CSNK2A1: variants seen among roughly 807,000 people sequenced by gnomAD.
CSNK2A1 encodes casein kinase 2 alpha 1.
In CSNK2A1, 10 loss-of-function variants were observed where a neutral mutation model predicts 62.9. The observed-to-expected ratio is 0.16, with a 90% confidence interval of 0.10 to 0.27. The LOEUF (loss-of-function observed/expected upper bound fraction) is 0.27, where lower values mean the gene tolerates loss of function less well. Ranked by LOEUF, CSNK2A1 falls within the 10% of genes least tolerant of loss-of-function variation. The pLI, the probability that CSNK2A1 is intolerant of heterozygous loss-of-function variation, is 1.00. For synonymous variants in CSNK2A1, 124 were observed against 167.8 expected (o/e 0.74, Z 2.02); for missense variants, 160 against 492.0 (o/e 0.33, Z 6.38).
intron 2 of CSNK2A1, among the ~76,000 whole-genome samples, chr20:522,697 T>C (rs2018976470): frequency 1.4e-5 from 1 of 73,390 alleles, no homozygotes; most frequent in Non-Finnish European, 2.9e-5. Flanking sequence ...AATTATTTTA[T>C]TTATTTATTT....
chr20:540,285 T>C (rs1281127709), intron 1 of CSNK2A1, among the ~76,000 whole-genome samples: 1 of 152,242 alleles, frequency 6.6e-6, no homozygotes, highest in African/African-American at 2.4e-5. Flanking sequence ...GTCCACTCCA[T>C]TAAAGTTCAC....
chr20:508,684 T>C (rs777023139), intron 2 of CSNK2A1, 24 bp from the exon 3 acceptor site: 4 of 734,430 alleles, frequency 5.4e-6, no homozygotes, highest in Non-Finnish European at 9.0e-6. Context: ...ATGCACAAAG[T>C]CCAAGGAATC....
rs78848548 is a variant in CSNK2A1, at chr20:473,901, G to C, written c.*10060C>G. On this transcript the variant is annotated 3_prime_UTR_variant, in exon 14 of 14. Transcript: ENST00000217244. Reference sequence around the variant, plus strand: ...ACTTCTAAACCAGTCACAACTGCCCGAGTCTCACAGCAGCATGGTGGATAT... The same window carrying C: ...ACTTCTAAACCAGTCACAACTGCCCCAGTCTCACAGCAGCATGGTGGATAT... 6.6e-6 allele frequency: 1 copy of C among 152,200 alleles called. No individual in the cohort carries two copies. Among genetic ancestry groups the C allele is most frequent in the African/African-American group, 2.4e-5 (1 of 41,432 alleles). 9.4% of individuals were successfully genotyped at this position (152,200 alleles called of 1,614,324 possible).
intron 12 of CSNK2A1, 87 bp downstream of exon 12, chr20:487,340 A>T: frequency 3.2e-6 from 5 of 1,573,402 alleles, no homozygotes; most frequent in Non-Finnish European, 3.5e-6. Flanking sequence ...TTAACTTTGC[A>T]GCAAGCTGAC....
intron 1 of CSNK2A1, among the ~76,000 whole-genome samples, chr20:528,897 C>A (rs1335609319): frequency 2.6e-5 from 4 of 152,240 alleles, no homozygotes; most frequent in African/African-American, 9.6e-5. Context: ...ACAGCCTATT[C>A]TTCTGTTCTA....
In CSNK2A1 at chr20:484,154, A is replaced by G. The variant is rs1272662186; in HGVS notation, c.1061-78T>C. ...CCAGTTTCTCATAGCACTCACTGCA[A>G]AAGGAACACAATAATTCTTTACTGA... On this transcript the variant is annotated intron_variant, in intron 13 of 13. Transcript: ENST00000217244. 7 of 1,165,040 alleles carry G rather than the reference A, an allele frequency of 6.0e-6. No individual in the cohort carries two copies. The East Asian group carries it at 2.1e-4, about 35-fold the overall frequency. The allele number at this position is 1,165,040 out of a possible 1,614,324, so 72.2% of individuals were successfully genotyped here. A position where few individuals can be genotyped will look rare whatever the true frequency, so the allele number is the denominator to read the frequency against.
At chr20:519,791 A>C (rs951004686) in intron 2 of CSNK2A1, among the ~76,000 whole-genome samples, 1 of 152,238 alleles carries the variant, frequency 6.6e-6, no homozygotes, top group African/African-American at 2.4e-5. Context: ...AATAAAGAGC[A>C]AAAAAGAGGA....
chr20:519,349 GCAAA>G (rs1263095487), intron 2 of CSNK2A1, among the ~76,000 whole-genome samples: 1 of 152,166 alleles, frequency 6.6e-6, no homozygotes, highest in Non-Finnish European at 1.5e-5. Flanking sequence ...AATTCCAGAA[GCAAA>G]CAATTTCCAA....
intron 8 of CSNK2A1, chr20:495,444 C>A: frequency 2.8e-6 from 1 of 361,820 alleles, no homozygotes; most frequent in South Asian, 3.2e-5. Context: ...CTCAGGAAAC[C>A]AGTTACTCAA....
At position 527,001 on chromosome 20, in the gene CSNK2A1, C is replaced by CAGAGAGAGAGAGAGAGAG. The variant is rs3055009; in HGVS notation, c.-110+914_-110+931dup. 60 of 97,896 alleles carry CAGAGAGAGAGAGAGAGAG rather than the reference C, an allele frequency of 6.1e-4. 3 individuals are homozygous for CAGAGAGAGAGAGAGAGAG. The highest frequency in any genetic ancestry group is 1.2e-3 in the South Asian group (3 of 2,442). The allele number at this position is 97,896 out of a possible 1,614,324, so 6.1% of individuals were successfully genotyped here. A position where few individuals can be genotyped will look rare whatever the true frequency, so the allele number is the denominator to read the frequency against. On this transcript the variant is annotated intron_variant, in intron 2 of 13. Transcript: ENST00000217244. The stretch of plus-strand genomic sequence containing the variant: ...AGAGAGAGAAAGAGAGAGAGACAGA[C>CAGAGAGAGAGAGAGAGAG]AGAGAGAGAGAGAGAGAGAGAGAGA...
chr20:515,188 A>G (rs569072746), intron 2 of CSNK2A1, among the ~76,000 whole-genome samples: 1 of 152,328 alleles, frequency 6.6e-6, no homozygotes, highest in African/African-American at 2.4e-5. Flanking sequence ...CAGTGGACTA[A>G]TATGAGGAAC....
intron 13 of CSNK2A1, among the ~76,000 whole-genome samples, chr20:485,892 T>A (rs1424737266): frequency 6.6e-6 from 1 of 152,232 alleles, no homozygotes; most frequent in Non-Finnish European, 1.5e-5. Context: ...CTATAAAAAT[T>A]CACTGTGCGT....
intron 2 of CSNK2A1, among the ~76,000 whole-genome samples, chr20:523,858 CAAAAAA>C (rs11401840): frequency 3.1e-4 from 14 of 45,538 alleles, no homozygotes; most frequent in African/African-American, 7.3e-4. Context: ...GACTCCATCT[CAAAAAA>C]AAAAAAAAAA....
In CSNK2A1 at chr20:483,378, G is replaced by A. The variant is rs973892853; in HGVS notation, c.*583C>T. The A allele has an allele frequency of 1.3e-5, 2 of 152,240 alleles. No individual in the cohort carries two copies. The highest frequency in any genetic ancestry group is 2.9e-5 in the Non-Finnish European group (2 of 68,032). 9.4% of individuals were successfully genotyped at this position (152,240 alleles called of 1,614,324 possible). A position where few individuals can be genotyped will look rare whatever the true frequency, so the allele number is the denominator to read the frequency against. ...ATGTAACTAAGACACACTTCCACAA[G>A]AGCCACTAGGATAACCCCACTGAAG... On this transcript the variant is annotated 3_prime_UTR_variant, in exon 14 of 14. Transcript: ENST00000217244.
At chr20:490,565 G>A (rs1289291465) in intron 9 of CSNK2A1, among the ~76,000 whole-genome samples, 1 of 150,848 alleles carries the variant, frequency 6.6e-6, no homozygotes, top group East Asian at 1.9e-4. Context: ...CACCGCGCCT[G>A]GCTAATTTTT....
chr20:534,964 G>A (rs1030285688), intron 1 of CSNK2A1, among the ~76,000 whole-genome samples: 1 of 150,080 alleles, frequency 6.7e-6, no homozygotes, highest in African/African-American at 2.5e-5. Context: ...AACCCGGGAG[G>A]TGGAGGTTGC....
intron 2 of CSNK2A1, among the ~76,000 whole-genome samples, chr20:523,960 A>G (rs2019009405): frequency 6.6e-6 from 1 of 151,796 alleles, no homozygotes; most frequent in South Asian, 2.1e-4. Context: ...GGTAACATGC[A>G]GAAGGTGATA....
At position 524,730 on chromosome 20, in the gene CSNK2A1, AG is replaced by A. The variant is rs1428717854; in HGVS notation, c.-110+3202del. 1.0e-4 allele frequency among the ~76,000 whole-genome samples: 15 copies of A among 145,050 alleles called. No individual in the cohort carries two copies. The South Asian group carries it at 1.5e-3, about 15-fold the overall frequency. The stretch of plus-strand genomic sequence containing the variant: ...TCTCAAAAAAAAAAAAAAAAAAAAA[AG>A]AGATACATCTAAAACATGGGGTATA... On this transcript the variant is annotated intron_variant, in intron 2 of 13. Coordinates refer to ENST00000217244, the MANE Select transcript of CSNK2A1 (RefSeq NM_177559.3).
rs2018126184 is a variant in CSNK2A1 at position 487,568 on chromosome 20, G to A, written c.832C>T (p.Arg278Ter). Reference protein sequence around the residue: ...RFNDILGRHSRKRWERFVHSE... With the variant: ...RFNDILGRHS The stretch of plus-strand genomic sequence containing the variant: ...TGGACAAAGCGTTCCCATCGCTTTC[G>A]AGAGTGTCTGCAGGACCAAAAGAGG... Residue 278 changes from arginine to a stop codon, truncating the protein, a stop_gained, in exon 12 of 14, where the codon CGA becomes TGA. Coordinates refer to ENST00000217244, the MANE Select transcript of CSNK2A1 (RefSeq NM_177559.3). LOFTEE classifies it high-confidence loss of function. 1 of 1,614,164 alleles carries A rather than the reference G, an allele frequency of 6.2e-7. No homozygotes were observed. Among genetic ancestry groups the A allele is most frequent in the Non-Finnish European group, 8.5e-7 (1 of 1,180,030 alleles).
Sources: allele counts gnomAD v4.1 joint callset (sites outside exome capture counted in the v4.1 genomes callset), GRCh38; gene constraint gnomAD v4.1.1; transcripts MANE v1.5; gene names NCBI Gene and HGNC (gene_info 2026-07-23, HGNC 2026-07-21).